Variants in EPC2 observed in about 807,000 individuals in gnomAD.
The protein encoded by EPC2 is enhancer of polycomb 2, also known as enhancer of polycomb homolog 2.
EPC2 carries 14 observed loss-of-function variants against 92.1 expected under a neutral mutation model. That is an observed-to-expected ratio of 0.15 (90% CI 0.10 to 0.24). EPC2 has a LOEUF of 0.24. Among genes scored for constraint, EPC2 ranks in the 10% least tolerant of loss-of-function variants. EPC2 has a pLI of 1.00. For synonymous variants in EPC2, 340 were observed against 334.7 expected (o/e 1.02, Z -0.17); for missense variants, 755 against 971.5 (o/e 0.78, Z 2.96).
chr2:148,678,493 G>A (rs1681321614), intron 1 of EPC2, among the ~76,000 whole-genome samples: 1 of 152,262 alleles, frequency 6.6e-6, no homozygotes, highest in Non-Finnish European at 1.5e-5. Context: ...AGGAGCCCAT[G>A]GAGGGAGTGG....
intron 10 of EPC2, among the ~76,000 whole-genome samples, chr2:148,774,036 A>T (rs781524594): frequency 1.3e-5 from 2 of 152,150 alleles, no homozygotes; most frequent in Non-Finnish European, 2.9e-5. Context: ...AAAATAAAGG[A>T]ACAAGACTAA....
At chr2:148,692,754 A>G (rs539372239) in intron 2 of EPC2, 1 of 152,220 alleles carries the variant, frequency 6.6e-6, no homozygotes, top group Non-Finnish European at 1.5e-5. Context: ...TGTAAAAACC[A>G]TTCTAGGAAA....
At chr2:148,655,142 A>G (rs945970260) in intron 1 of EPC2, among the ~76,000 whole-genome samples, 4 of 152,194 alleles carry the variant, frequency 2.6e-5, no homozygotes, top group Non-Finnish European at 2.9e-5. Context: ...AGTTGGTTGT[A>G]TGAGACGGTC....
chr2:148,732,031 T>A (rs1222354406), intron 2 of EPC2, among the ~76,000 whole-genome samples: 1 of 152,164 alleles, frequency 6.6e-6, no homozygotes, highest in Non-Finnish European at 1.5e-5. Context: ...CCACAGGGAA[T>A]TTGCAGTCTT....
intron 10 of EPC2, among the ~76,000 whole-genome samples, chr2:148,776,939 C>T (rs1558838093): frequency 6.8e-6 from 1 of 148,088 alleles, no homozygotes; most frequent in Non-Finnish European, 1.5e-5. Flanking sequence ...CGGCTCACTG[C>T]AATCTTCACC....
chr2:148,659,809 T>C (rs186502244), intron 1 of EPC2, among the ~76,000 whole-genome samples: 39 of 151,914 alleles, frequency 2.6e-4, no homozygotes, highest in Non-Finnish European at 4.3e-4. Context: ...TTGCCCTTTA[T>C]TTACTGTTAG....
At chr2:148,774,587 C>A (rs1683587267) in intron 10 of EPC2, among the ~76,000 whole-genome samples, 1 of 132,288 alleles carries the variant, frequency 7.6e-6, no homozygotes, top group Admixed American at 9.2e-5. Context: ...TGTACTCCAG[C>A]CAGGGTGAGA....
rs13033641 is a variant in EPC2, at chr2:148,783,910, A to G, written c.2017+154A>G. On this transcript the variant is annotated intron_variant, in intron 12 of 13. Coordinates refer to ENST00000258484, the MANE Select transcript of EPC2 (RefSeq NM_015630.4). Reference sequence around the variant, plus strand: ...TGGAAAGATAGTGGGAAATAGGTAGATGTTTTCTAGAATTCATGTAGAATC... The same window carrying G: ...TGGAAAGATAGTGGGAAATAGGTAGGTGTTTTCTAGAATTCATGTAGAATC... Among the ~76,000 whole-genome samples the G allele has an allele frequency of 0.016, 2,451 of 152,266 alleles. 29 individuals carry two copies. Among genetic ancestry groups the G allele is most frequent in the Non-Finnish European group, 0.02 (1,362 of 68,020 alleles).
chr2:148,742,897 C>T (rs535387605), intron 2 of EPC2, among the ~76,000 whole-genome samples: 2 of 151,430 alleles, frequency 1.3e-5, no homozygotes, highest in East Asian at 1.9e-4. Context: ...TGCAAGAAAT[C>T]TTTAAGAAAA....
At chr2:148,697,120 G>C (rs774288157) in intron 2 of EPC2, among the ~76,000 whole-genome samples, 1 of 152,176 alleles carries the variant, frequency 6.6e-6, no homozygotes, top group Non-Finnish European at 1.5e-5. Flanking sequence ...AAGAGCCCAG[G>C]GTGATGCAGC....
intron 1 of EPC2, among the ~76,000 whole-genome samples, chr2:148,666,298 G>A (rs1016175445): frequency 9.2e-5 from 14 of 152,044 alleles, no homozygotes; most frequent in African/African-American, 3.4e-4. Context: ...GCTTCACCAT[G>A]CCTGGCTAAT....
chr2:148,713,518 AT>A (rs869091729), intron 2 of EPC2, among the ~76,000 whole-genome samples: 4 of 152,188 alleles, frequency 2.6e-5, no homozygotes, highest in African/African-American at 4.8e-5. Context: ...GAGAAAAAAA[AT>A]TTTTTTTAAG....
chr2:148,644,846 G>A lies in EPC2; in HGVS notation c.-172G>A. 1 of 564,614 alleles carries A rather than the reference G, an allele frequency of 1.8e-6. No individual in the cohort carries two copies. Among genetic ancestry groups the A allele is most frequent in the Non-Finnish European group, 3.0e-6 (1 of 329,952 alleles). 35.0% of individuals were successfully genotyped at this position (564,614 alleles called of 1,614,324 possible). On this transcript the variant is annotated 5_prime_UTR_variant, in exon 1 of 14. Transcript: ENST00000258484. The stretch of plus-strand genomic sequence containing the variant: ...GAGGCGGCCGCGGGCGCGGGGGGCT[G>A]TTTTCGGGCGGGGTGGGCGCCCATG...
chr2:148,742,988 A>C (rs996869478), intron 2 of EPC2, among the ~76,000 whole-genome samples: 2 of 152,068 alleles, frequency 1.3e-5, no homozygotes, highest in African/African-American at 2.4e-5. Flanking sequence ...AAATTTAAAA[A>C]GTTTATATAG....
chr2:148,770,032 A>ATATT, intron 8 of EPC2, among the ~76,000 whole-genome samples: 1 of 151,758 alleles, frequency 6.6e-6, no homozygotes, highest in East Asian at 1.9e-4. Context: ...TTGTTTCTTT[A>ATATT]TATTTATTTA....
At chr2:148,784,491 T>C (rs1351238647) in intron 12 of EPC2, among the ~76,000 whole-genome samples, 177 bp from the exon 13 acceptor site, 1 of 152,210 alleles carries the variant, frequency 6.6e-6, no homozygotes, top group East Asian at 1.9e-4. Context: ...TTGGGGGTTG[T>C]AGCAGATTAG....
At chr2:148,689,427 C>G (rs1041351178) in intron 1 of EPC2, among the ~76,000 whole-genome samples, 6 of 152,160 alleles carry the variant, frequency 3.9e-5, no homozygotes, top group Non-Finnish European at 8.8e-5. Context: ...ATCCGCCCAT[C>G]TTGGCCTCCC....
At chr2:148,654,252 T>C (rs1276811694) in intron 1 of EPC2, among the ~76,000 whole-genome samples, 2 of 152,180 alleles carry the variant, frequency 1.3e-5, no homozygotes, top group Non-Finnish European at 2.9e-5. Context: ...CGGCCAAGAT[T>C]ACATTTTTTT....
chr2:148,732,623 C>T (rs189685220), intron 2 of EPC2, among the ~76,000 whole-genome samples: 24 of 152,132 alleles, frequency 1.6e-4, no homozygotes, highest in Admixed American at 9.8e-4. Context: ...TCAGGTGATC[C>T]GCCCACCTTG....
Sources: allele counts gnomAD v4.1 joint callset (sites outside exome capture counted in the v4.1 genomes callset), GRCh38; gene constraint gnomAD v4.1.1; transcripts MANE v1.5; gene names NCBI Gene and HGNC (gene_info 2026-07-23, HGNC 2026-07-21).